Variants in TENM3 observed in about 807,000 individuals in gnomAD.
TENM3 encodes the protein teneurin transmembrane protein 3.
TENM3 carries 63 observed loss-of-function variants against 255.1 expected under a neutral mutation model. That is an observed-to-expected ratio of 0.25 (90% CI 0.20 to 0.30). TENM3 has a LOEUF of 0.30. Among genes scored for constraint, TENM3 ranks in the 10% least tolerant of loss-of-function variants. The pLI, the probability that TENM3 is intolerant of heterozygous loss-of-function variation, is 1.00. For synonymous variants in TENM3, 1,306 were observed against 1,322.3 expected (o/e 0.99, Z 0.27); for missense variants, 2,929 against 3,461.1 (o/e 0.85, Z 3.86).
chr4:182,158,848 T>A (rs954258558), intron 1 of TENM3, among the ~76,000 whole-genome samples: 5 of 152,214 alleles, frequency 3.3e-5, no homozygotes, highest in African/African-American at 1.2e-4. Flanking sequence ...ATACCGATAC[T>A]AAATTCTCTA....
At chr4:182,030,314 A>G in the TENM3 span, among the ~76,000 whole-genome samples, 3 of 151,396 alleles carry the variant, frequency 2.0e-5, no homozygotes, top group Middle Eastern at 6.8e-3. Context: ...GCTCTCACTT[A>G]TAAGTGAGAA....
chr4:182,669,142 G>C (rs1221486942), intron 6 of TENM3, among the ~76,000 whole-genome samples: 1 of 152,270 alleles, frequency 6.6e-6, no homozygotes, highest in Non-Finnish European at 1.5e-5. Flanking sequence ...GAGGGGAAGA[G>C]AACAGCTACT....
At chr4:181,790,628 C>G in the TENM3 span, among the ~76,000 whole-genome samples, 1 of 152,164 alleles carries the variant, frequency 6.6e-6, no homozygotes. Context: ...GGAAACCTAT[C>G]CATCCCATCA....
At chr4:181,727,761 A>G in the TENM3 span, among the ~76,000 whole-genome samples, 2 of 152,198 alleles carry the variant, frequency 1.3e-5, no homozygotes, top group Non-Finnish European at 2.9e-5. Flanking sequence ...CTGGTTCCCA[A>G]GCTTTTAAGT....
upstream of TENM3, among the ~76,000 whole-genome samples, chr4:182,139,090 G>A (rs974554196): frequency 2.0e-5 from 3 of 152,144 alleles, no homozygotes; most frequent in Non-Finnish European, 4.4e-5. Context: ...CCAGCCCATG[G>A]GCTAGGCTTG....
intron 3 of TENM3, chr4:182,548,851 T>C (rs1356517069): frequency 6.6e-6 from 1 of 151,778 alleles, no homozygotes; most frequent in Non-Finnish European, 1.5e-5. Flanking sequence ...TCTCCGTTTT[T>C]CTTACTCTAT....
the TENM3 span, among the ~76,000 whole-genome samples, chr4:181,659,623 C>T: frequency 6.6e-6 from 1 of 152,320 alleles, no homozygotes; most frequent in South Asian, 2.1e-4. Flanking sequence ...CTTCTAACAG[C>T]AGCCTGTTCT....
the TENM3 span, among the ~76,000 whole-genome samples, chr4:182,038,367 T>C: frequency 0.88 from 133,920 of 152,210 alleles, 59,121 homozygotes; most frequent in Admixed American, 0.93. Flanking sequence ...ATTAAATGTA[T>C]TAGTATTCTT....
intron 1 of TENM3, among the ~76,000 whole-genome samples, chr4:182,285,768 C>A (rs1176957072): frequency 1.3e-5 from 2 of 152,044 alleles, no homozygotes; most frequent in Non-Finnish European, 2.9e-5. Flanking sequence ...GTGCGTGGAG[C>A]TACCAGAGAA....
chr4:182,792,294 T>C lies in TENM3; in HGVS notation c.5622T>C (p.His1874=). 3 of 1,613,764 alleles carry C rather than the reference T, an allele frequency of 1.9e-6. No homozygotes were observed. Among genetic ancestry groups the C allele is most frequent in the Non-Finnish European group, 2.5e-6 (3 of 1,179,656 alleles). ...TACAGTCCATGGTTCTTCTGCTTCA[T>C]AGCCAGCGGCAGTACATCTTCGAAT... ...YLEKSMVLLL[H]SQRQYIFEYD... The change falls in exon 26 of 28, where the codon CAT becomes CAC. Residue 1874 remains histidine (H), a synonymous_variant. Coordinates refer to ENST00000511685, the MANE Select transcript of TENM3 (RefSeq NM_001080477.4). The surrounding 1 kb of genome is among the most constrained non-coding windows in gnomAD (Gnocchi z 6.3).
At chr4:182,237,064 A>C (rs149701046) in intron 1 of TENM3, among the ~76,000 whole-genome samples, 1 of 152,174 alleles carries the variant, frequency 6.6e-6, no homozygotes, top group African/African-American at 2.4e-5. Context: ...ATGTGTTCTC[A>C]TTGTTCAGCT....
chr4:181,772,490 G>A, the TENM3 span, among the ~76,000 whole-genome samples: 2 of 152,124 alleles, frequency 1.3e-5, no homozygotes, highest in Admixed American at 6.5e-5. Flanking sequence ...AAATATGCAA[G>A]GATACTGACT....
intron 1 of TENM3, among the ~76,000 whole-genome samples, chr4:182,215,565 C>T (rs1336215647): frequency 1.3e-5 from 2 of 152,086 alleles, no homozygotes; most frequent in African/African-American, 4.8e-5. Context: ...CATTTCATTA[C>T]GGAAACAGTT....
chr4:182,701,395 T>C (rs1266322100), intron 12 of TENM3, among the ~76,000 whole-genome samples: 1 of 151,760 alleles, frequency 6.6e-6, no homozygotes, highest in African/African-American at 2.4e-5. Flanking sequence ...TAATTTTTTG[T>C]ATTTTTAGTA....
At chr4:181,872,301 T>C in the TENM3 span, among the ~76,000 whole-genome samples, 6 of 151,382 alleles carry the variant, frequency 4.0e-5, no homozygotes, top group Non-Finnish European at 8.8e-5. Context: ...TTTGTGTTAA[T>C]ATTTGCAGGG....
Position 182,533,836 on chromosome 4 carries a change from G to A in TENM3, c.512-67088G>A, listed in dbSNP as rs578128651. ...GGCTGAGGCAGAGAATTGCTTGAATGTGGGAGGGGGAGGTTGCAGTGAGCC... is the reference window on the plus strand; with the variant it reads ...GGCTGAGGCAGAGAATTGCTTGAATATGGGAGGGGGAGGTTGCAGTGAGCC... On this transcript the variant is annotated intron_variant, in intron 3 of 27. Coordinates refer to ENST00000511685, the MANE Select transcript of TENM3 (RefSeq NM_001080477.4). 2.0e-5 allele frequency among the ~76,000 whole-genome samples: 3 copies of A among 151,936 alleles called. No individual in the cohort carries two copies. In the East Asian group the frequency reaches 5.8e-4, roughly 30 times the overall value.
the TENM3 span, among the ~76,000 whole-genome samples, chr4:182,023,902 G>T: frequency 6.6e-6 from 1 of 152,072 alleles, no homozygotes; most frequent in Non-Finnish European, 1.5e-5. Flanking sequence ...AGAATTCCAG[G>T]ACCCATGGAA....
the TENM3 span, among the ~76,000 whole-genome samples, chr4:182,103,899 AT>A: frequency 6.6e-6 from 1 of 152,002 alleles, no homozygotes; most frequent in Non-Finnish European, 1.5e-5. Context: ...ATTGTCCTTT[AT>A]TTTATCGGGT....
chr4:181,546,715 G>GAAAA, the TENM3 span, among the ~76,000 whole-genome samples: 2 of 93,520 alleles, frequency 2.1e-5, no homozygotes, highest in African/African-American at 9.3e-5. Flanking sequence ...CTCCGTCTCA[G>GAAAA]AAAAAAAAAA....
Sources: gnomAD v4.1 joint callset for allele counts (sites outside exome capture counted in the v4.1 genomes callset) on GRCh38, gnomAD v4.1.1 for gene constraint, Gnocchi (gnomAD v3.1) non-coding constraint, MANE v1.5 for transcripts, NCBI Gene and HGNC (gene_info 2026-07-23, HGNC 2026-07-21) for gene names.